The following RBFOX1 variants were observed in gnomAD, a reference collection of about 807,000 sequenced individuals.
RBFOX1 encodes RNA binding fox-1 homolog 1, also known as RNA binding protein fox-1 homolog 1.
A neutral mutation model predicts 57.7 loss-of-function variants in RBFOX1; 8 were observed. The observed-to-expected ratio is 0.14, with a 90% confidence interval of 0.08 to 0.25. RBFOX1 has a LOEUF of 0.25. RBFOX1 is among the 10% of genes least tolerant of loss of function. RBFOX1 has a pLI of 1.00. For synonymous variants in RBFOX1, 326 were observed against 222.4 expected (o/e 1.47, Z -4.15); for missense variants, 611 against 548.5 (o/e 1.11, Z -1.14).
At position 6,750,925 on chromosome 16, in the gene RBFOX1, T is replaced by A. The variant is rs922644551; in HGVS notation, c.-16+96275T>A. On this transcript the variant is annotated intron_variant, in intron 3 of 15. Transcript: ENST00000550418. ...TCTTCAGATTAGTGGGCTAGGGAAG[T>A]GCTCTTGGAGAAGAACCCATTTAAG... is the stretch of plus-strand genomic sequence containing the variant. Among the ~76,000 whole-genome samples, 28 of 152,264 alleles carry A rather than the reference T, an allele frequency of 1.8e-4. No homozygotes were observed. In the East Asian group the frequency reaches 5.4e-3, roughly 29 times the overall value.
In RBFOX1 at chr16:7,459,483, G is replaced by A. The variant is rs188374053; in HGVS notation, c.28-58664G>A. On this transcript the variant is annotated intron_variant, in intron 4 of 15. Coordinates refer to ENST00000550418, the MANE Select transcript of RBFOX1 (RefSeq NM_018723.4). ...AGGTGAAAGAAGACATAAAAACAAA[G>A]CCACAGATTATTGTACATTTCCTGT... 2.3e-3 allele frequency among the ~76,000 whole-genome samples: 355 copies of A among 152,286 alleles called. 1 individual carries two copies. The highest frequency in any genetic ancestry group is 0.014 in the Middle Eastern group (4 of 294).
intron 3 of RBFOX1, among the ~76,000 whole-genome samples, chr16:6,689,009 T>C (rs2059844110): frequency 6.6e-6 from 1 of 152,238 alleles, no homozygotes. Flanking sequence ...GGTTTATATG[T>C]GCTGCATTTT....
At chr16:5,251,981 G>T (rs920797945) in intron 1 of RBFOX1, among the ~76,000 whole-genome samples, 4 of 152,170 alleles carry the variant, frequency 2.6e-5, no homozygotes, top group African/African-American at 9.7e-5. Context: ...GTCTGGGGCT[G>T]TGCTGTGTAT....
At chr16:5,534,389 A>C (rs1349479253) in intron 2 of RBFOX1, among the ~76,000 whole-genome samples, 1 of 152,200 alleles carries the variant, frequency 6.6e-6, no homozygotes, top group Non-Finnish European at 1.5e-5. Flanking sequence ...AAGGAAGCCA[A>C]TAGTGGCTCA....
chr16:7,386,086 G>C (rs994919007), intron 4 of RBFOX1, among the ~76,000 whole-genome samples: 2 of 151,992 alleles, frequency 1.3e-5, no homozygotes, highest in African/African-American at 4.8e-5. Flanking sequence ...ACCATGCCCA[G>C]CCAGCTTTTA....
chr16:7,090,429 A>G (rs567251984), intron 4 of RBFOX1, among the ~76,000 whole-genome samples: 4 of 152,170 alleles, frequency 2.6e-5, no homozygotes, highest in Admixed American at 6.5e-5. Context: ...ATTTTAGTCT[A>G]TAAGGATGGT....
At chr16:6,622,451 G>T (rs1212107661) in intron 2 of RBFOX1, among the ~76,000 whole-genome samples, 1 of 152,154 alleles carries the variant, frequency 6.6e-6, no homozygotes, top group East Asian at 1.9e-4. Flanking sequence ...TTGTAGTCTA[G>T]GAGCAATAGG....
At chr16:5,401,764 T>TCTCCTC (rs71142618) in intron 1 of RBFOX1, among the ~76,000 whole-genome samples, 3,319 of 103,452 alleles carry the variant, frequency 0.032, 51 homozygotes, top group Non-Finnish European at 0.042. Flanking sequence ...TCCCTGTCTC[T>TCTCCTC]CTCCTCCTCC....
At chr16:7,222,516 T>G (rs1344490426) in intron 4 of RBFOX1, among the ~76,000 whole-genome samples, 1 of 152,174 alleles carries the variant, frequency 6.6e-6, no homozygotes, top group Non-Finnish European at 1.5e-5. Flanking sequence ...ATGTTAGCAC[T>G]CTTGATAACA....
intron 4 of RBFOX1, among the ~76,000 whole-genome samples, chr16:5,984,972 ATATAT>A (rs1342812708): frequency 0.035 from 1,960 of 55,682 alleles, 7 homozygotes; most frequent in Non-Finnish European, 0.043. Context: ...ATATATATAT[ATATAT>A]TTTTTTTTTT....
intron 5 of RBFOX1, among the ~76,000 whole-genome samples, chr16:7,555,136 T>G (rs1235564380): frequency 6.6e-6 from 1 of 152,082 alleles, no homozygotes; most frequent in East Asian, 1.9e-4. Context: ...ACAATGCATC[T>G]CCCCACCCTC....
intron 1 of RBFOX1, among the ~76,000 whole-genome samples, chr16:6,274,431 A>T (rs2075571939): frequency 6.6e-6 from 1 of 152,192 alleles, no homozygotes; most frequent in South Asian, 2.1e-4. Flanking sequence ...AATCTCCAGA[A>T]AATTATGCCG....
chr16:5,595,941 C>T (rs559523158), intron 2 of RBFOX1, among the ~76,000 whole-genome samples: 17 of 152,158 alleles, frequency 1.1e-4, no homozygotes, highest in Non-Finnish European at 2.2e-4. Flanking sequence ...GAAAAAGTCT[C>T]TTGAGAAGAG....
At chr16:7,709,458 CTTT>C (rs572932607) in intron 15 of RBFOX1, 4 of 1,385,912 alleles carry the variant, frequency 2.9e-6, no homozygotes, top group Non-Finnish European at 3.8e-6. Context: ...TTTTTTTTTT[CTTT>C]TTTTTTCCCT....
At chr16:5,704,475 G>A (rs1431592427) in intron 3 of RBFOX1, among the ~76,000 whole-genome samples, 1 of 152,144 alleles carries the variant, frequency 6.6e-6, no homozygotes, top group East Asian at 1.9e-4. Context: ...TTTGAGCAGT[G>A]CTGGGAGCCA....
In RBFOX1 at chr16:7,330,525, T is replaced by TAGAG. The variant is rs138727480; in HGVS notation, c.28-187602_28-187599dup. 5.3e-4 allele frequency among the ~76,000 whole-genome samples: 70 copies of TAGAG among 132,922 alleles called. 1 individual carries two copies. In the East Asian group the frequency reaches 8.5e-3, roughly 16 times the overall value. 87.2% of individuals were successfully genotyped at this position (132,922 alleles called of 152,430 possible). A position where few individuals can be genotyped will look rare whatever the true frequency, so the allele number is the denominator to read the frequency against. On this transcript the variant is annotated intron_variant, in intron 4 of 15. Transcript: ENST00000550418. The stretch of plus-strand genomic sequence containing the variant: ...GTGTGTGTGTTTGTGTGTGTGTGTG[T>TAGAG]AGAGAGAGAGAGAGAGAGAGAGAAA...
chr16:5,381,930 G>T (rs1195413173), intron 1 of RBFOX1, among the ~76,000 whole-genome samples: 1 of 152,176 alleles, frequency 6.6e-6, no homozygotes, highest in East Asian at 1.9e-4. Context: ...TCTTTGCTGT[G>T]GTGTCTGTCA....
intron 4 of RBFOX1, among the ~76,000 whole-genome samples, chr16:7,238,753 A>C (rs2093906849): frequency 6.6e-6 from 1 of 152,192 alleles, no homozygotes; most frequent in South Asian, 2.1e-4. Context: ...TGTTAAACCT[A>C]GTACCCATTA....
At chr16:7,002,853 C>T (rs938410319) in intron 3 of RBFOX1, among the ~76,000 whole-genome samples, 1 of 152,146 alleles carries the variant, frequency 6.6e-6, no homozygotes, top group Admixed American at 6.5e-5. Context: ...AGGAGTTTCT[C>T]TCAACATCCC....
Sources: allele counts gnomAD v4.1 joint callset (sites outside exome capture counted in the v4.1 genomes callset), GRCh38; gene constraint gnomAD v4.1.1; transcripts MANE v1.5; gene names NCBI Gene and HGNC (gene_info 2026-07-23, HGNC 2026-07-21).